Variants in IL1RAPL1 observed in about 807,000 individuals in gnomAD.
The protein encoded by IL1RAPL1 is interleukin 1 receptor accessory protein like 1.
Under a neutral mutation model 48.4 loss-of-function variants are expected in IL1RAPL1, and 3 were observed. That is an observed-to-expected ratio of 0.06 (90% CI 0.03 to 0.16). The LOEUF is 0.16. Ranked by LOEUF, IL1RAPL1 falls within the 10% of genes least tolerant of loss-of-function variation. The pLI, the probability that IL1RAPL1 is intolerant of heterozygous loss-of-function variation, is 1.00. For missense variants in IL1RAPL1, 349 were observed against 530.6 expected (o/e 0.66, Z 3.36); for synonymous variants, 185 against 187.7 (o/e 0.99, Z 0.12).
chrX:29,790,992 A>G (rs1929615936), intron 6 of IL1RAPL1, among the ~76,000 whole-genome samples: 1 of 109,736 alleles, frequency 9.1e-6, no homozygotes, highest in Non-Finnish European at 1.9e-5. Context: ...GCTCATTTTC[A>G]TCTTGGAACC....
intron 6 of IL1RAPL1, among the ~76,000 whole-genome samples, chrX:29,781,443 T>G (rs1208808758): frequency 8.9e-6 from 1 of 112,213 alleles, no homozygotes; most frequent in East Asian, 2.8e-4. Context: ...TTTCTGCCTT[T>G]GTGCCTGAAT....
intron 2 of IL1RAPL1, among the ~76,000 whole-genome samples, chrX:29,080,994 T>TTCTTTCTTTCTC (rs1569232789): frequency 1.8e-3 from 47 of 26,423 alleles, no homozygotes; most frequent in Non-Finnish European, 3.0e-3. Flanking sequence ...CTTTCTTTCT[T>TTCTTTCTTTCTC]TCTCTCTCTC....
At chrX:29,435,978 A>T (rs990723134) in intron 5 of IL1RAPL1, among the ~76,000 whole-genome samples, 16 of 110,220 alleles carry the variant, frequency 1.5e-4, no homozygotes, top group Non-Finnish European at 2.9e-4. Flanking sequence ...CCATTAGGGG[A>T]AAAAACATAA....
chrX:29,154,926 A>G (rs1375631047), intron 2 of IL1RAPL1, among the ~76,000 whole-genome samples: 1 of 111,859 alleles, frequency 8.9e-6, no homozygotes, highest in African/African-American at 3.2e-5. Flanking sequence ...TAAGAAATTA[A>G]GACTAGTAAT....
intron 6 of IL1RAPL1, among the ~76,000 whole-genome samples, chrX:29,905,560 G>A (rs1932593698): frequency 9.0e-6 from 1 of 110,911 alleles, no homozygotes; most frequent in South Asian, 3.9e-4. Flanking sequence ...GTGTAAGGAA[G>A]GGGTCCAGAT....
intron 2 of IL1RAPL1, among the ~76,000 whole-genome samples, chrX:28,832,222 A>G (rs566306109): frequency 4.5e-5 from 5 of 110,797 alleles, no homozygotes; most frequent in African/African-American, 1.6e-4. Context: ...GTATTTTTGT[A>G]TCTATTAACA....
chrX:29,600,517 G>A (rs1258570068), intron 5 of IL1RAPL1, among the ~76,000 whole-genome samples: 1 of 112,229 alleles, frequency 8.9e-6, no homozygotes, highest in Non-Finnish European at 1.9e-5. Context: ...CCAGGAGCTG[G>A]TGCTTTCAAG....
At chrX:28,802,910 G>T (rs1488463671) in intron 2 of IL1RAPL1, among the ~76,000 whole-genome samples, 1 of 111,279 alleles carries the variant, frequency 9.0e-6, no homozygotes, top group Non-Finnish European at 1.9e-5. Context: ...ATGAATTATT[G>T]CTCAGTGATT....
chrX:29,206,969 C>G (rs765854024), intron 2 of IL1RAPL1, among the ~76,000 whole-genome samples: 2 of 111,451 alleles, frequency 1.8e-5, no homozygotes, highest in African/African-American at 6.5e-5. Flanking sequence ...TTATTTAAAA[C>G]GCTTTCCCAA....
At chrX:29,467,336 C>A (rs988891446) in intron 5 of IL1RAPL1, among the ~76,000 whole-genome samples, 20 of 112,665 alleles carry the variant, frequency 1.8e-4, no homozygotes, top group African/African-American at 6.4e-4. Context: ...TAGAAAATTC[C>A]ATTGCTTCGC....
At chrX:29,241,736 A>T (rs1931426043) in intron 2 of IL1RAPL1, among the ~76,000 whole-genome samples, 1 of 112,241 alleles carries the variant, frequency 8.9e-6, no homozygotes, top group African/African-American at 3.2e-5. Context: ...GGGCCTTAAA[A>T]AGAAATAGCA....
chrX:29,313,951 G>T (rs1932757955), intron 3 of IL1RAPL1, among the ~76,000 whole-genome samples: 1 of 112,398 alleles, frequency 8.9e-6, no homozygotes, highest in African/African-American at 3.2e-5. Flanking sequence ...CACAGGTATT[G>T]TAAGACTGAT....
At chrX:29,197,891 T>C (rs1930476873) in intron 2 of IL1RAPL1, among the ~76,000 whole-genome samples, 1 of 110,211 alleles carries the variant, frequency 9.1e-6, no homozygotes, top group African/African-American at 3.3e-5. Flanking sequence ...GTATTTTTAG[T>C]AGAGACAGGG....
intron 3 of IL1RAPL1, among the ~76,000 whole-genome samples, chrX:29,347,430 C>G (rs750020663): frequency 9.6e-6 from 1 of 104,067 alleles, no homozygotes; most frequent in Admixed American, 1.0e-4. Flanking sequence ...TCTCTATCAC[C>G]CAGGCTGGAG....
intron 5 of IL1RAPL1, among the ~76,000 whole-genome samples, chrX:29,652,026 A>G (rs980678365): frequency 1.8e-5 from 2 of 111,950 alleles, no homozygotes; most frequent in Non-Finnish European, 3.8e-5. Flanking sequence ...ACTGAAGCAT[A>G]TCTCATTAGC....
chrX:28,953,539 C>A (rs1183146652), intron 2 of IL1RAPL1, among the ~76,000 whole-genome samples: 1 of 110,845 alleles, frequency 9.0e-6, no homozygotes, highest in African/African-American at 3.3e-5. Flanking sequence ...TTTTTAAGTT[C>A]TTTATAAAAA....
At chrX:29,891,273 G>T (rs1932272099) in intron 6 of IL1RAPL1, among the ~76,000 whole-genome samples, 1 of 112,153 alleles carries the variant, frequency 8.9e-6, no homozygotes, top group African/African-American at 3.2e-5. Flanking sequence ...GTAGAATAAG[G>T]CACACCTTTG....
chrX:29,760,713 T>G (rs1303714313), intron 6 of IL1RAPL1, among the ~76,000 whole-genome samples: 1 of 111,464 alleles, frequency 9.0e-6, no homozygotes, highest in Admixed American at 9.6e-5. Flanking sequence ...TAAGTGAGAA[T>G]TAGGCAAACT....
At chrX:29,795,992 T>C (rs1394806566) in intron 6 of IL1RAPL1, among the ~76,000 whole-genome samples, 1 of 112,509 alleles carries the variant, frequency 8.9e-6, no homozygotes, top group African/African-American at 3.2e-5. Context: ...GCTAGAGAGA[T>C]ACATTATGAC....
Sources: gnomAD v4.1 joint callset for allele counts (sites outside exome capture counted in the v4.1 genomes callset) on GRCh38, gnomAD v4.1.1 for gene constraint, MANE v1.5 for transcripts, NCBI Gene and HGNC (gene_info 2026-07-23, HGNC 2026-07-21) for gene names.